PTBP3: variants seen among roughly 807,000 people sequenced by gnomAD.
PTBP3 encodes the protein polypyrimidine tract-binding protein 3.
A neutral mutation model predicts 58.7 loss-of-function variants in PTBP3; 20 were observed. The ratio of observed to expected loss-of-function variants is 0.34; its 90% CI spans 0.24 to 0.50. PTBP3 has a LOEUF of 0.50. Among genes scored for constraint, PTBP3 ranks in the 20% least tolerant of loss-of-function variants. The pLI is 0.98. For synonymous variants in PTBP3, 185 were observed against 219.8 expected (o/e 0.84, Z 1.40); for missense variants, 509 against 637.2 (o/e 0.80, Z 2.17).
At chr9:112,314,894 C>A (rs950686241) in intron 1 of PTBP3, among the ~76,000 whole-genome samples, 1 of 150,108 alleles carries the variant, frequency 6.7e-6, no homozygotes, top group Non-Finnish European at 1.5e-5. Flanking sequence ...TGCAGTGGCG[C>A]GATCTCGGCT....
At chr9:112,228,961 T>C (rs566547201) in intron 10 of PTBP3, among the ~76,000 whole-genome samples, 4 of 152,332 alleles carry the variant, frequency 2.6e-5, no homozygotes, top group African/African-American at 9.6e-5. Context: ...GACAACCTAA[T>C]TGATCCTAAC....
chr9:112,347,894 T>A, the PTBP3 span, among the ~76,000 whole-genome samples: 1 of 152,234 alleles, frequency 6.6e-6, no homozygotes, highest in Non-Finnish European at 1.5e-5. Context: ...TTTACTATTC[T>A]GCCTCATAAT....
At chr9:112,268,304 G>C in intron 3 of PTBP3, 109 bp from the exon 4 acceptor site, 1 of 1,107,514 alleles carries the variant, frequency 9.0e-7, no homozygotes, top group Non-Finnish European at 1.2e-6. Context: ...CAAGTAAAAT[G>C]ACATTTCCCC....
At chr9:112,247,846 A>G (rs1364457187) in intron 7 of PTBP3, among the ~76,000 whole-genome samples, 1 of 152,206 alleles carries the variant, frequency 6.6e-6, no homozygotes, top group African/African-American at 2.4e-5. Context: ...AAGGGACATC[A>G]TATCTGCAAC....
intron 8 of PTBP3, among the ~76,000 whole-genome samples, chr9:112,234,395 TGA>T (rs1392535141): frequency 2.0e-5 from 3 of 152,222 alleles, no homozygotes. Context: ...ATGTATAGTA[TGA>T]CTGCATATTA....
intron 2 of PTBP3, among the ~76,000 whole-genome samples, chr9:112,287,424 C>T (rs1431893340): frequency 6.8e-6 from 1 of 147,244 alleles, no homozygotes; most frequent in Non-Finnish European, 1.5e-5. Flanking sequence ...ACTGCAACCT[C>T]CGCCCCCGGG....
chr9:112,374,696 G>C, the PTBP3 span, among the ~76,000 whole-genome samples: 2 of 152,222 alleles, frequency 1.3e-5, no homozygotes, highest in East Asian at 3.8e-4. Context: ...TAAGTATCTT[G>C]TTCAGAGGCA....
intron 1 of PTBP3, among the ~76,000 whole-genome samples, chr9:112,318,505 A>ATCCCAGCACTCTGGGAGGCC (rs1829795627): frequency 6.6e-6 from 1 of 152,324 alleles, no homozygotes; most frequent in Non-Finnish European, 1.5e-5. Flanking sequence ...CACACCTATA[A>ATCCCAGCACTCTGGGAGGCC]TCCCAGCACT....
chr9:112,333,517 C>T lies in PTBP3; in HGVS notation c.-99G>A. The T allele has an allele frequency of 6.3e-7, 1 of 1,582,586 alleles. No homozygotes were observed. Among genetic ancestry groups the T allele is most frequent in the Non-Finnish European group, 8.6e-7 (1 of 1,164,266 alleles). On this transcript the variant is annotated 5_prime_UTR_variant, in exon 1 of 14. Transcript: ENST00000374257. Reference sequence around the variant, plus strand: ...CGCGCACAGAGCAGGGACTGACGGGCTAACCGCGAGCAGAGGAAGCAGGCG... The same window carrying T: ...CGCGCACAGAGCAGGGACTGACGGGTTAACCGCGAGCAGAGGAAGCAGGCG...
intron 7 of PTBP3, among the ~76,000 whole-genome samples, chr9:112,243,842 TAAG>T (rs1341757314): frequency 6.6e-6 from 1 of 152,172 alleles, no homozygotes; most frequent in Non-Finnish European, 1.5e-5. Context: ...CCCTACCAGT[TAAG>T]AACTGTTACA....
At position 112,223,603 on chromosome 9, in the gene PTBP3, C is replaced by T. The variant is rs1834875388; in HGVS notation, c.*248G>A. The T allele has an allele frequency of 3.4e-6, 4 of 1,179,430 alleles. No individual in the cohort carries two copies. Among genetic ancestry groups the T allele is most frequent in the Admixed American group, 4.1e-5 (1 of 24,674 alleles). The allele number at this position is 1,179,430 out of a possible 1,614,324, so 73.1% of individuals were successfully genotyped here. ...AAGATTATTGAAAAAAAATTTTTTTCCTGATTTTCTTTTTCCTGAAGGTTA... is the reference window on the plus strand; with the variant it reads ...AAGATTATTGAAAAAAAATTTTTTTTCTGATTTTCTTTTTCCTGAAGGTTA... On this transcript the variant is annotated 3_prime_UTR_variant, in exon 14 of 14. Coordinates refer to ENST00000374257, the MANE Select transcript of PTBP3 (RefSeq NM_001163788.4).
chr9:112,374,009 C>G, the PTBP3 span, among the ~76,000 whole-genome samples: 2 of 152,080 alleles, frequency 1.3e-5, no homozygotes, highest in African/African-American at 4.8e-5. Context: ...GTGACCCAAA[C>G]TTTCATTTCT....
At chr9:112,319,086 CAT>C in intron 1 of PTBP3, among the ~76,000 whole-genome samples, 1 of 146,270 alleles carries the variant, frequency 6.8e-6, no homozygotes, top group East Asian at 2.0e-4. Context: ...GAGATCATGC[CAT>C]TGCACTCCAG....
the PTBP3 span, among the ~76,000 whole-genome samples, chr9:112,375,268 T>C: frequency 6.6e-6 from 1 of 152,226 alleles, no homozygotes; most frequent in Non-Finnish European, 1.5e-5. Flanking sequence ...CAATCTTGCT[T>C]CTTCCAAGTC....
intron 3 of PTBP3, among the ~76,000 whole-genome samples, chr9:112,269,948 C>CT (rs111363648): frequency 0.54 from 76,675 of 142,978 alleles, 21,482 homozygotes; most frequent in African/African-American, 0.74. Context: ...TCCAAATCTT[C>CT]TTTTTTTTTT....
chr9:112,295,568 C>A (rs1589881281), intron 2 of PTBP3, among the ~76,000 whole-genome samples: 1 of 113,358 alleles, frequency 8.8e-6, no homozygotes, highest in Admixed American at 1.1e-4. Flanking sequence ...ATCTGGGTAG[C>A]AATGTGTCAG....
chr9:112,245,087 T>C (rs1835825256), intron 7 of PTBP3, among the ~76,000 whole-genome samples: 1 of 152,134 alleles, frequency 6.6e-6, no homozygotes, highest in African/African-American at 2.4e-5. Context: ...GGCGGGCAGA[T>C]CACTTGAGGT....
intron 3 of PTBP3, among the ~76,000 whole-genome samples, chr9:112,272,110 T>C (rs1041841520): frequency 6.6e-6 from 1 of 152,074 alleles, no homozygotes; most frequent in African/African-American, 2.4e-5. Flanking sequence ...CTCACTACAC[T>C]GGACCGCAGT....
At chr9:112,284,699 A>C (rs142162760) in intron 2 of PTBP3, among the ~76,000 whole-genome samples, 1 of 152,280 alleles carries the variant, frequency 6.6e-6, no homozygotes, top group East Asian at 1.9e-4. Flanking sequence ...CCGTCTCAAA[A>C]AACAAAACAG....
Sources: allele counts gnomAD v4.1 joint callset (sites outside exome capture counted in the v4.1 genomes callset), GRCh38; gene constraint gnomAD v4.1.1; transcripts MANE v1.5; gene names NCBI Gene and HGNC (gene_info 2026-07-23, HGNC 2026-07-21).